The following CACNA2D3 variants were observed in gnomAD, a reference collection of about 807,000 sequenced individuals.
CACNA2D3 encodes the protein voltage-dependent calcium channel subunit alpha-2/delta-3.
CACNA2D3 carries 60 observed loss-of-function variants against 160.6 expected under a neutral mutation model. The ratio of observed to expected loss-of-function variants is 0.37; its 90% CI spans 0.30 to 0.46. The LOEUF is 0.46. Among genes scored for constraint, CACNA2D3 ranks in the 20% least tolerant of loss-of-function variants. CACNA2D3 has a pLI of 1.00. For missense variants in CACNA2D3, 1,205 were observed against 1,365.0 expected, an observed-to-expected ratio of 0.88 and a Z score of 1.85; for synonymous variants, 558 against 492.9, an observed-to-expected ratio of 1.13 and a Z score of -1.75.
Position 54,752,566 on chromosome 3 carries a change from T to C in CACNA2D3, c.1168-33T>C, listed in dbSNP as rs748811369. On this transcript the variant is annotated intron_variant, in intron 11 of 37. Coordinates refer to ENST00000474759, the MANE Select transcript of CACNA2D3 (RefSeq NM_018398.3). ...TCTGTGCAGGATGGCGAAAAGTGAA[T>C]GCCGCTCAGCCATGCGTTTGTCTTC... The C allele has an allele frequency of 3.2e-6, 5 of 1,547,912 alleles. No individual in the cohort carries two copies. In the South Asian group the frequency reaches 3.4e-5, roughly 11 times the overall value.
chr3:55,028,230 T>C (rs1351989122), intron 35 of CACNA2D3, among the ~76,000 whole-genome samples: 1 of 152,184 alleles, frequency 6.6e-6, no homozygotes, highest in Non-Finnish European at 1.5e-5. Flanking sequence ...TGTATGTCTA[T>C]AGCATAGACA....
At chr3:55,033,502 A>G (rs979132189) in intron 35 of CACNA2D3, among the ~76,000 whole-genome samples, 54 of 150,180 alleles carry the variant, frequency 3.6e-4, no homozygotes, top group African/African-American at 1.1e-3. Flanking sequence ...TTTTTATACA[A>G]TGATAACACA....
chr3:54,233,955 A>T (rs993537684), intron 2 of CACNA2D3, among the ~76,000 whole-genome samples: 19 of 152,224 alleles, frequency 1.2e-4, no homozygotes, highest in Non-Finnish European at 1.5e-5. Context: ...TTCATCCTGG[A>T]CATAGGAACG....
chr3:54,161,163 C>G (rs1245265823), intron 2 of CACNA2D3, among the ~76,000 whole-genome samples: 1 of 152,148 alleles, frequency 6.6e-6, no homozygotes, highest in African/African-American at 2.4e-5. Context: ...GTGTGAATCC[C>G]AGCTCTGCCA....
At chr3:54,160,081 A>G (rs572200329) in intron 2 of CACNA2D3, among the ~76,000 whole-genome samples, 37 of 152,314 alleles carry the variant, frequency 2.4e-4, no homozygotes, top group African/African-American at 7.9e-4. Context: ...ATTGTTTTCT[A>G]TGGAGAGAAT....
chr3:55,010,056 G>C (rs1703176423), intron 34 of CACNA2D3, among the ~76,000 whole-genome samples: 1 of 152,104 alleles, frequency 6.6e-6, no homozygotes, highest in South Asian at 2.1e-4. Context: ...GCAAGTGAAT[G>C]TGTGTGTGTG....
intron 2 of CACNA2D3, among the ~76,000 whole-genome samples, chr3:54,280,135 G>A (rs891467107): frequency 2.0e-5 from 3 of 152,048 alleles, no homozygotes; most frequent in African/African-American, 2.4e-5. Context: ...AGGCTGGAGT[G>A]CAGTGGTGCG....
chr3:54,246,769 G>A (rs1244819345), intron 2 of CACNA2D3, among the ~76,000 whole-genome samples: 2 of 151,666 alleles, frequency 1.3e-5, no homozygotes, highest in East Asian at 1.9e-4. Flanking sequence ...ATCTCAGAAA[G>A]CAACTATCAT....
chr3:55,059,691 C>A (rs1211322240), intron 35 of CACNA2D3, among the ~76,000 whole-genome samples: 1 of 152,138 alleles, frequency 6.6e-6, no homozygotes, highest in Non-Finnish European at 1.5e-5. Context: ...GGTTCTTGTC[C>A]AGCATCCGAG....
At chr3:54,727,513 T>A (rs1213864050) in intron 11 of CACNA2D3, among the ~76,000 whole-genome samples, 1 of 152,184 alleles carries the variant, frequency 6.6e-6, no homozygotes, top group Admixed American at 6.5e-5. Flanking sequence ...AACCCAAATG[T>A]CTATCAATAA....
chr3:55,038,907 T>TACACAC (rs756941725), intron 35 of CACNA2D3, among the ~76,000 whole-genome samples: 25 of 113,044 alleles, frequency 2.2e-4, no homozygotes, highest in African/African-American at 7.6e-4. Context: ...TATATATATA[T>TACACAC]ACACACACTG....
At chr3:54,243,597 G>T (rs1426105852) in intron 2 of CACNA2D3, among the ~76,000 whole-genome samples, 1 of 152,110 alleles carries the variant, frequency 6.6e-6, no homozygotes, top group Non-Finnish European at 1.5e-5. Flanking sequence ...TACTAAAAAA[G>T]ATTAGTTGTT....
At chr3:54,933,785 G>T (rs1485470427) in intron 27 of CACNA2D3, among the ~76,000 whole-genome samples, 4 of 145,770 alleles carry the variant, frequency 2.7e-5, no homozygotes, top group South Asian at 2.2e-4. Flanking sequence ...TTGAGACAAA[G>T]TCTCACTCTG....
chr3:54,884,202 A>G (rs1421569128), intron 21 of CACNA2D3, among the ~76,000 whole-genome samples: 7 of 152,326 alleles, frequency 4.6e-5, no homozygotes, highest in Middle Eastern at 3.4e-3. Flanking sequence ...TCCCTGTCCC[A>G]TTTAACTGTT....
Position 54,617,952 on chromosome 3 carries a change from T to G in CACNA2D3, c.964-9835T>G, listed in dbSNP as rs960983017. Among the ~76,000 whole-genome samples the G allele has an allele frequency of 1.5e-4, 19 of 126,568 alleles. No homozygotes were observed. In the East Asian group the frequency reaches 3.1e-3, roughly 21 times the overall value. 83.0% of individuals were successfully genotyped at this position (126,568 alleles called of 152,430 possible). A position where few individuals can be genotyped will look rare whatever the true frequency, so the allele number is the denominator to read the frequency against. On this transcript the variant is annotated intron_variant, in intron 9 of 37. Transcript: ENST00000474759. ...CCTTTTTCTGTATGTAGAGTTTGGG[T>G]TTTTTTTTTTTTTAATTGTTGTTGT...
At chr3:54,202,804 A>G (rs771015520) in intron 2 of CACNA2D3, among the ~76,000 whole-genome samples, 7 of 152,174 alleles carry the variant, frequency 4.6e-5, no homozygotes, top group Non-Finnish European at 7.3e-5. Flanking sequence ...AAAGTTATTA[A>G]TAGTTATTAA....
chr3:54,423,508 T>C (rs1019451974), intron 4 of CACNA2D3, among the ~76,000 whole-genome samples: 1 of 152,156 alleles, frequency 6.6e-6, no homozygotes, highest in Non-Finnish European at 1.5e-5. Context: ...TTCGCTATGC[T>C]CTGAATTCAT....
chr3:54,560,064 AT>A (rs1372405839), intron 5 of CACNA2D3, among the ~76,000 whole-genome samples: 1 of 152,212 alleles, frequency 6.6e-6, no homozygotes, highest in Admixed American at 6.5e-5. Context: ...GTGTATCTTT[AT>A]AATAGACTGA....
rs143835041 is a variant in CACNA2D3, at chr3:54,713,682, G to T, written c.1168-38917G>T. ...AAGTGCTTGGCACAAGGAGGGCCTG[G>T]CAGAAACTGCTAGGTCAGAGATAAC... On this transcript the variant is annotated intron_variant, in intron 11 of 37. Coordinates refer to ENST00000474759, the MANE Select transcript of CACNA2D3 (RefSeq NM_018398.3). Among the ~76,000 whole-genome samples, 9 of 152,306 alleles carry T rather than the reference G, an allele frequency of 5.9e-5. No homozygotes were observed. The East Asian group carries it at 1.7e-3, about 29-fold the overall frequency.
Sources: allele counts gnomAD v4.1 joint callset (sites outside exome capture counted in the v4.1 genomes callset), GRCh38; gene constraint gnomAD v4.1.1; transcripts MANE v1.5; gene names NCBI Gene and HGNC (gene_info 2026-07-23, HGNC 2026-07-21).